KIF18A: variants seen among roughly 807,000 people sequenced by gnomAD.
The protein encoded by KIF18A is kinesin-like protein KIF18A.
In KIF18A, 67 loss-of-function variants were observed where a neutral mutation model predicts 103.3. The observed-to-expected ratio is 0.65, with a 90% CI of 0.53 to 0.79. KIF18A has a LOEUF of 0.79. Ranked by LOEUF, KIF18A falls within the 30% of genes least tolerant of loss-of-function variation. The probability of loss-of-function intolerance (pLI) is 0.00; values close to 1 mark genes in which losing one functional copy is unlikely to be tolerated. For synonymous variants in KIF18A, 367 were observed against 355.5 expected, an observed-to-expected ratio of 1.03 and a Z score of -0.36; for missense variants, 1,032 against 1,062.5, an observed-to-expected ratio of 0.97 and a Z score of 0.40.
intron 11 of KIF18A, among the ~76,000 whole-genome samples, chr11:28,067,001 C>T (rs934667633): frequency 6.6e-6 from 1 of 151,636 alleles, no homozygotes; most frequent in Admixed American, 6.6e-5. Context: ...CACTTAAGCT[C>T]ATAATATCTT....
In KIF18A at chr11:28,057,537, AC is replaced by A. The variant is rs201118941; in HGVS notation, c.1948+1388del. On this transcript the variant is annotated intron_variant, in intron 13 of 16. Transcript: ENST00000263181. ...CTCAAAACAAAACAAAACAAAAAAA[AC>A]AAAACAAAAAAGACTATGCATTATT... Among the ~76,000 whole-genome samples, 34 of 152,208 alleles carry A rather than the reference AC, an allele frequency of 2.2e-4. No individual in the cohort carries two copies. The East Asian group carries it at 5.4e-3, about 24-fold the overall frequency.
At chr11:28,069,471 A>T (rs760849907) in intron 10 of KIF18A, 48 bp from the exon 11 acceptor site, 2 of 1,537,052 alleles carry the variant, frequency 1.3e-6, no homozygotes, top group South Asian at 2.3e-5. Context: ...ATGATATTTG[A>T]TGTACATGAT....
In KIF18A at chr11:28,103,319, T is replaced by TA. The variant is rs771639394; in HGVS notation, c.-47+4744dup. Among the ~76,000 whole-genome samples the TA allele has an allele frequency of 3.0e-3, 404 of 135,762 alleles. 2 individuals carry two copies. The highest frequency in any genetic ancestry group is 9.4e-3 in the Admixed American group (128 of 13,628). 89.1% of individuals were successfully genotyped at this position (135,762 alleles called of 152,430 possible). A position where few individuals can be genotyped will look rare whatever the true frequency, so the allele number is the denominator to read the frequency against. On this transcript the variant is annotated intron_variant, in intron 1 of 16. Transcript: ENST00000263181. ...CAACCAGTAAGCACAATGCAAAAAT[T>TA]AAAAAAAAAAAAAAATTCCAAAATT...
chr11:28,055,129 C>T (rs1277216141), intron 13 of KIF18A, among the ~76,000 whole-genome samples: 1 of 151,946 alleles, frequency 6.6e-6, no homozygotes, highest in Non-Finnish European at 1.5e-5. Flanking sequence ...TAGGTCAGGT[C>T]TAATGCTTTA....
chr11:28,066,820 T>C (rs975675575), intron 11 of KIF18A, among the ~76,000 whole-genome samples: 21 of 116,152 alleles, frequency 1.8e-4, no homozygotes, highest in African/African-American at 6.9e-4. Context: ...TATATTATAT[T>C]ATATTATATT....
At chr11:28,024,367 G>C (rs1270855898) in intron 15 of KIF18A, among the ~76,000 whole-genome samples, 1 of 151,956 alleles carries the variant, frequency 6.6e-6, no homozygotes, top group African/African-American at 2.4e-5. Context: ...AGAATGACCT[G>C]TTTTCATTTG....
In KIF18A at chr11:28,091,425, C is replaced by G. The variant is rs1271899231; in HGVS notation, c.572G>C (p.Gly191Ala). ...TATACATACCTGGTGTAAAGTAAGT[C>G]CATGAACGACCACCCCTTTTTGGGT... ...EDTQKGVVVH[G>A]LTLHQPKSSE... Residue 191 changes from glycine to alanine, a missense_variant, in exon 4 of 17, where the codon GGA (glycine) becomes GCA (alanine). Coordinates refer to ENST00000263181, the MANE Select transcript of KIF18A (RefSeq NM_031217.4). 1 of 1,595,984 alleles carries G rather than the reference C, an allele frequency of 6.3e-7. No homozygotes were observed. The highest frequency in any genetic ancestry group is 1.7e-5 in the Admixed American group (1 of 59,670).
chr11:28,068,792 A>G (rs1850971009), intron 11 of KIF18A, among the ~76,000 whole-genome samples: 1 of 152,176 alleles, frequency 6.6e-6, no homozygotes, highest in Admixed American at 6.5e-5. Flanking sequence ...CACACTAGTT[A>G]AGGCACTAAA....
chr11:28,097,563 C>T (rs995958186), intron 2 of KIF18A, 60 bp downstream of exon 2: 5 of 1,076,750 alleles, frequency 4.6e-6, no homozygotes, highest in Non-Finnish European at 7.2e-6. Context: ...AAGTAGATGT[C>T]CGTCCTAATG....
chr11:28,098,620 A>C (rs1224629233), intron 1 of KIF18A, among the ~76,000 whole-genome samples: 2 of 152,158 alleles, frequency 1.3e-5, no homozygotes, highest in Non-Finnish European at 2.9e-5. Flanking sequence ...GAGATGGCAT[A>C]GACTCCTTGG....
At chr11:28,076,705 G>A (rs566307468) in intron 10 of KIF18A, 32 of 161,692 alleles carry the variant, frequency 2.0e-4, no homozygotes, top group Admixed American at 4.5e-4. Context: ...AGGCTGAGGC[G>A]GATGGATCAC....
intron 15 of KIF18A, among the ~76,000 whole-genome samples, chr11:28,033,831 T>C (rs980310708): frequency 4.7e-4 from 72 of 151,680 alleles, no homozygotes; most frequent in African/African-American, 1.5e-3. Flanking sequence ...TAATGTATTG[T>C]ACATTTAAAA....
intron 11 of KIF18A, among the ~76,000 whole-genome samples, chr11:28,063,734 A>G (rs1229164359): frequency 6.6e-6 from 1 of 152,036 alleles, no homozygotes; most frequent in African/African-American, 2.4e-5. Context: ...TGGCTAAGAC[A>G]GGAACCCCAT....
At position 28,091,449 on chromosome 11, in the gene KIF18A, G is replaced by A. The variant is rs986957674; in HGVS notation, c.548C>T (p.Thr183Ile). The change falls in exon 4 of 17, where the codon ACC becomes ATC. Residue 183 changes from threonine to isoleucine, a missense_variant. By Grantham distance (89) the Thr-to-Ile change is moderately conservative. Transcript: ENST00000263181. ...TCCATGAACGACCACCCCTTTTTGG[G>A]TATCTTCCCGGACAGCAAGTGGCCC... ...NSGPLAVRED[T>I]QKGVVVHGLT... 6.2e-7 allele frequency: 1 copy of A among 1,609,574 alleles called. No individual in the cohort carries two copies. The highest frequency in any genetic ancestry group is 1.3e-5 in the African/African-American group (1 of 74,676).
At chr11:28,026,841 A>G (rs1406209373) in intron 15 of KIF18A, among the ~76,000 whole-genome samples, 1 of 151,788 alleles carries the variant, frequency 6.6e-6, no homozygotes, top group Non-Finnish European at 1.5e-5. Flanking sequence ...AGTAGACGAA[A>G]CAGATGATTG....
chr11:28,057,167 G>C (rs954889277), intron 13 of KIF18A, among the ~76,000 whole-genome samples: 1 of 151,956 alleles, frequency 6.6e-6, no homozygotes, highest in Non-Finnish European at 1.5e-5. Context: ...ATGAGCAAAG[G>C]ATACCTGACA....
intron 2 of KIF18A, 51 bp from the exon 3 acceptor site, chr11:28,094,851 A>T (rs1476045906): frequency 6.6e-7 from 1 of 1,518,516 alleles, no homozygotes; most frequent in Admixed American, 1.7e-5. Context: ...ATATAACTCT[A>T]TTATATCTAC....
intron 15 of KIF18A, among the ~76,000 whole-genome samples, chr11:28,033,313 A>G (rs905887959): frequency 6.6e-6 from 1 of 151,636 alleles, no homozygotes; most frequent in Non-Finnish European, 1.5e-5. Flanking sequence ...GTCCTCAAAA[A>G]ACTAAAAATA....
At chr11:28,051,178 T>C (rs1451160784) in intron 13 of KIF18A, among the ~76,000 whole-genome samples, 1 of 151,908 alleles carries the variant, frequency 6.6e-6, no homozygotes, top group Non-Finnish European at 1.5e-5. Flanking sequence ...TAAAAAAATT[T>C]CATTTCCTTG....
Sources: gnomAD v4.1 joint callset for allele counts (sites outside exome capture counted in the v4.1 genomes callset) on GRCh38, gnomAD v4.1.1 for gene constraint, MANE v1.5 for transcripts, NCBI Gene and HGNC (gene_info 2026-07-23, HGNC 2026-07-21) for gene names.